The following ZNF26 variants were observed in gnomAD, a reference collection of about 807,000 sequenced individuals.
The protein encoded by ZNF26 is zinc finger protein 26.
In ZNF26, 32 loss-of-function variants were observed where a neutral mutation model predicts 54.9. The ratio of observed to expected loss-of-function variants is 0.58; its 90% CI spans 0.44 to 0.78. The LOEUF is 0.78. Ranked by LOEUF, ZNF26 falls within the 30% of genes least tolerant of loss-of-function variation. ZNF26 has a pLI of 0.00. For synonymous variants in ZNF26, 221 were observed against 209.2 expected, an observed-to-expected ratio of 1.06 and a Z score of -0.49; for missense variants, 524 against 634.0, an observed-to-expected ratio of 0.83 and a Z score of 1.86.
intron 1 of ZNF26, chr12:132,995,282 C>A (rs1953052478): frequency 6.6e-6 from 1 of 152,634 alleles, no homozygotes; most frequent in Non-Finnish European, 1.5e-5. Context: ...GACAGTAACA[C>A]AACCCCACGA....
rs1363425030 is a variant in ZNF26, at chr12:133,023,809, G to A, written c.*12328G>A. On this transcript the variant is annotated 3_prime_UTR_variant, in exon 4 of 4. Coordinates refer to ENST00000328654, the MANE Select transcript of ZNF26 (RefSeq NM_019591.4). ...CTTCGCAGGATATAAAAAGCCATGC[G>A]GCTTCTGCCTTGATTGCAGAGATCC... is the stretch of plus-strand genomic sequence containing the variant. The A allele has an allele frequency of 2.6e-5, 4 of 152,324 alleles. No individual in the cohort carries two copies. Among genetic ancestry groups the A allele is most frequent in the South Asian group, 2.1e-4 (1 of 4,830 alleles). The allele number at this position is 152,324 out of a possible 1,614,324, so 9.4% of individuals were successfully genotyped here.
chr12:133,002,316 C>G (rs1470706675), intron 1 of ZNF26, among the ~76,000 whole-genome samples: 1 of 152,102 alleles, frequency 6.6e-6, no homozygotes, highest in Non-Finnish European at 1.5e-5. Context: ...AATCCAGCCA[C>G]CATTTATCAT....
In ZNF26 at chr12:133,011,090, G is replaced by T. The variant is rs950370692; in HGVS notation, c.1211G>T (p.Gly404Val). The T allele has an allele frequency of 6.2e-7, 1 of 1,613,948 alleles. No individual in the cohort carries two copies. Among genetic ancestry groups the T allele is most frequent in the South Asian group, 1.1e-5 (1 of 91,082 alleles). ...AAGCCCTATGGATGCAGTGAATGTG[G>T]GAAGGCTTTCAGCAGCAAGTCATAC... ...GEKPYGCSECGKAFSSKSYLV... is the reference protein window; with the variant it reads ...GEKPYGCSECVKAFSSKSYLV... The change falls in exon 4 of 4, where the codon GGG becomes GTG. Residue 404 changes from glycine (G) to valine (V), a missense_variant. Physicochemically the swap from Gly to Val is moderately radical, Grantham distance 109 (BLOSUM62 -3). Coordinates refer to ENST00000328654, the MANE Select transcript of ZNF26 (RefSeq NM_019591.4).
Position 133,001,520 on chromosome 12 carries a change from G to T in ZNF26, c.34-5522G>T, listed in dbSNP as rs1023361922. 94 of 500,734 alleles carry T rather than the reference G, an allele frequency of 1.9e-4. No homozygotes were observed. Among genetic ancestry groups the T allele is most frequent in the Non-Finnish European group, 3.0e-4 (92 of 302,938 alleles). The allele number at this position is 500,734 out of a possible 1,614,324, so 31.0% of individuals were successfully genotyped here. ...TCAGTGGGGCTTGGTTGGAGCCTCT[G>T]ACAGGGCTCTGCCCTGCAGTTCCAT... On this transcript the variant is annotated intron_variant, in intron 1 of 3. Coordinates refer to ENST00000328654, the MANE Select transcript of ZNF26 (RefSeq NM_019591.4). This position sits in a 1 kb window ranked among gnomAD's most constrained non-coding sequence, Gnocchi z 4.7.
chr12:132,998,456 C>T (rs1303481861), intron 1 of ZNF26, among the ~76,000 whole-genome samples: 2 of 152,188 alleles, frequency 1.3e-5, no homozygotes, highest in Admixed American at 6.5e-5. Context: ...TAAGCCACTG[C>T]TCTCGGCCTT....
intron 1 of ZNF26, among the ~76,000 whole-genome samples, chr12:132,988,385 GCCA>G (rs1334084230): frequency 7.2e-5 from 11 of 152,114 alleles, no homozygotes; most frequent in African/African-American, 2.4e-4. Context: ...ACAGGCATAT[GCCA>G]CCACATCAGG....
rs1258786866 is a variant in ZNF26 at position 133,023,209 on chromosome 12, T to C, written c.*11728T>C. On this transcript the variant is annotated 3_prime_UTR_variant, in exon 4 of 4. Coordinates refer to ENST00000328654, the MANE Select transcript of ZNF26 (RefSeq NM_019591.4). Reference sequence around the variant, plus strand: ...TAACACATTTTTCAGTTTTCTAGAATACTGCACATTATCAAAACTGACCAA... The same window carrying C: ...TAACACATTTTTCAGTTTTCTAGAACACTGCACATTATCAAAACTGACCAA... 5.3e-5 allele frequency: 8 copies of C among 152,208 alleles called. No homozygotes were observed. The highest frequency in any genetic ancestry group is 1.9e-4 in the African/African-American group (8 of 41,464). 9.4% of individuals were successfully genotyped at this position (152,208 alleles called of 1,614,324 possible). A position where few individuals can be genotyped will look rare whatever the true frequency, so the allele number is the denominator to read the frequency against.
In ZNF26 at chr12:133,013,741, C is replaced by T. The variant is rs1397956579; in HGVS notation, c.*2260C>T. The stretch of plus-strand genomic sequence containing the variant: ...GAACCTGAGGACTCAGCCTAGCAAA[C>T]TCTTCTGATAGACTTTGAATAGGAG... On this transcript the variant is annotated 3_prime_UTR_variant, in exon 4 of 4. Coordinates refer to ENST00000328654, the MANE Select transcript of ZNF26 (RefSeq NM_019591.4). 6.2e-6 allele frequency: 1 copy of T among 160,724 alleles called. No homozygotes were observed. The highest frequency in any genetic ancestry group is 1.4e-5 in the Non-Finnish European group (1 of 71,868). 10.0% of individuals were successfully genotyped at this position (160,724 alleles called of 1,614,324 possible).
At position 133,015,594 on chromosome 12, in the gene ZNF26, G is replaced by A. The variant is rs967316063; in HGVS notation, c.*4113G>A. The A allele has an allele frequency of 6.6e-6, 1 of 152,204 alleles. No homozygotes were observed. Among genetic ancestry groups the A allele is most frequent in the Non-Finnish European group, 1.5e-5 (1 of 68,038 alleles). 9.4% of individuals were successfully genotyped at this position (152,204 alleles called of 1,614,324 possible). ...GCCCAGAAGGTTGAGGATGCAGTGA[G>A]CCATGATTGTGTTTCAGCCTGGATG... is the stretch of plus-strand genomic sequence containing the variant. On this transcript the variant is annotated 3_prime_UTR_variant, in exon 4 of 4. Transcript: ENST00000328654.
chr12:133,016,079 T>C lies in ZNF26; in HGVS notation c.*4598T>C, dbSNP rs1472403872. ...AAAAGTGTAGGGGTAATTTTTTTTT[T>C]TTTTTTTTTTTGAGACAGAGTCTCA... On this transcript the variant is annotated 3_prime_UTR_variant, in exon 4 of 4. Coordinates refer to ENST00000328654, the MANE Select transcript of ZNF26 (RefSeq NM_019591.4). The C allele has an allele frequency of 6.7e-6, 1 of 150,094 alleles. No individual in the cohort carries two copies. Among genetic ancestry groups the C allele is most frequent in the Non-Finnish European group, 1.5e-5 (1 of 67,452 alleles). The allele number at this position is 150,094 out of a possible 1,614,324, so 9.3% of individuals were successfully genotyped here. A position where few individuals can be genotyped will look rare whatever the true frequency, so the allele number is the denominator to read the frequency against.
Position 132,986,667 on chromosome 12 carries a change from CT to C in ZNF26, c.-173del. ...GGGAGGTTGTCTAGTCACGCGCGGT[CT>C]GTGTTGGGCGAGAGCTGAGGAGCCG... On this transcript the variant is annotated 5_prime_UTR_variant, in exon 1 of 4. Transcript: ENST00000328654. 1 of 633,594 alleles carries C rather than the reference CT, an allele frequency of 1.6e-6. No homozygotes were observed. The highest frequency in any genetic ancestry group is 2.7e-6 in the Non-Finnish European group (1 of 364,164). The allele number at this position is 633,594 out of a possible 1,614,324, so 39.2% of individuals were successfully genotyped here.
intron 1 of ZNF26, chr12:133,004,429 C>T (rs1467286857): frequency 9.9e-5 from 15 of 152,108 alleles, no homozygotes; most frequent in African/African-American, 3.4e-4. Context: ...TCAGTGCTCA[C>T]CGTTGTATCC....
At position 133,010,770 on chromosome 12, in the gene ZNF26, G is replaced by C. The variant is rs879239416; in HGVS notation, c.891G>C (p.Leu297Phe). The C allele has an allele frequency of 1.1e-5, 17 of 1,613,456 alleles. 1 individual carries two copies. The highest frequency in any genetic ancestry group is 3.3e-4 in the Middle Eastern group (2 of 6,082). The change falls in exon 4 of 4, where the codon TTG becomes TTC. Residue 297 changes from leucine to phenylalanine, a missense_variant. Transcript: ENST00000328654. Reference sequence around the variant, plus strand: ...GCGAATGTGGGAAAGCCTTTAGTTTGAAGTCTCCATTCGTTGTACACCAGA... The same window carrying C: ...GCGAATGTGGGAAAGCCTTTAGTTTCAAGTCTCCATTCGTTGTACACCAGA... ...ECSECGKAFS[L>F]KSPFVVHQRT... is the part of the protein sequence containing the mutation.
chr12:133,010,534 G>A lies in ZNF26; in HGVS notation c.655G>A (p.Ala219Thr). 2 of 1,614,154 alleles carry A rather than the reference G, an allele frequency of 1.2e-6. No homozygotes were observed. Among genetic ancestry groups the A allele is most frequent in the Non-Finnish European group, 1.7e-6 (2 of 1,180,030 alleles). ...CTTCAGTGCCAAGTCAAACCTTAAT[G>A]CTCATCAGAGAGTTCATACAGGAGA... ...RAFSAKSNLN[A>T]HQRVHTGEKP... The change falls in exon 4 of 4, where the codon GCT becomes ACT. Residue 219 changes from alanine (A) to threonine (T), a missense_variant. Ala to Thr is a moderately conservative substitution (Grantham distance 58). Transcript: ENST00000328654.
intron 1 of ZNF26, chr12:132,995,357 T>A (rs1241437930): frequency 1.3e-5 from 2 of 151,958 alleles, no homozygotes; most frequent in East Asian, 3.9e-4. Flanking sequence ...GATGCTCATT[T>A]CAGGGATCAG....
chr12:132,995,077 C>G (rs1294872052), intron 1 of ZNF26: 2 of 152,176 alleles, frequency 1.3e-5, no homozygotes, highest in Admixed American at 6.5e-5. Flanking sequence ...AAATTTAGTA[C>G]ATACTCTTAG....
At chr12:133,009,591 C>CAAA (rs201001282) in intron 3 of ZNF26, among the ~76,000 whole-genome samples, 32 of 142,606 alleles carry the variant, frequency 2.2e-4, no homozygotes, top group African/African-American at 8.4e-4. Flanking sequence ...GACCCTGTCT[C>CAAA]AAAAAAAAAA....
In ZNF26 at chr12:133,007,500, TAAA is replaced by T; in HGVS notation, c.225_227del (p.Asn76del). 1.2e-6 allele frequency: 2 copies of T among 1,613,830 alleles called. No individual in the cohort carries two copies. The highest frequency in any genetic ancestry group is 1.7e-6 in the Non-Finnish European group (2 of 1,179,844). ...GAACAAGGAGAAGATCCATGGATAA[TAAA>T]TGCCAAAATTTCCAGGCAGAGCTGT... On this transcript the variant is annotated inframe_deletion, in exon 3 of 4. Transcript: ENST00000328654.
Position 133,012,604 on chromosome 12 carries a change from T to TTTTTTTTTTTTTTC in ZNF26, c.*1128_*1129insTTTTTTTTCTTTTT, listed in dbSNP as rs1953505751. On this transcript the variant is annotated 3_prime_UTR_variant, in exon 4 of 4. Transcript: ENST00000328654. The stretch of plus-strand genomic sequence containing the variant: ...TTTTTTTTTTTTTTTTTTTTTTTTT[T>TTTTTTTTTTTTTTC]TTTTTGAGACTAAGTTTCACTCTTG... 6 of 137,892 alleles carry TTTTTTTTTTTTTTC rather than the reference T, an allele frequency of 4.4e-5. No homozygotes were observed. Among genetic ancestry groups the TTTTTTTTTTTTTTC allele is most frequent in the African/African-American group, 1.7e-4 (6 of 35,620 alleles). 8.5% of individuals were successfully genotyped at this position (137,892 alleles called of 1,614,324 possible).
Sources: allele counts gnomAD v4.1 joint callset (sites outside exome capture counted in the v4.1 genomes callset), GRCh38; gene constraint gnomAD v4.1.1; non-coding constraint Gnocchi (gnomAD v3.1); transcripts MANE v1.5; gene names NCBI Gene and HGNC (gene_info 2026-07-23, HGNC 2026-07-21).